Variants in PCDH15 observed in about 807,000 individuals in gnomAD.
The protein encoded by PCDH15 is protocadherin-15.
PCDH15 carries 129 observed loss-of-function variants against 178.5 expected under a neutral mutation model. The observed-to-expected ratio is 0.72, with a 90% CI of 0.63 to 0.84. PCDH15 has a LOEUF of 0.84. Ranked by LOEUF, PCDH15 falls within the 40% of genes least tolerant of loss-of-function variation. The pLI is 0.00. For synonymous variants in PCDH15, 800 were observed against 732.0 expected (o/e 1.09, Z -1.50); for missense variants, 2,230 against 2,099.9 (o/e 1.06, Z -1.21).
At chr10:54,523,712 A>C (rs1002289014) in intron 3 of PCDH15, among the ~76,000 whole-genome samples, 2 of 152,324 alleles carry the variant, frequency 1.3e-5, no homozygotes, top group East Asian at 3.9e-4. Context: ...TTGCTAAGAA[A>C]CTTTATACTG....
chr10:54,717,348 C>T (rs1408147622), intron 1 of PCDH15, among the ~76,000 whole-genome samples: 14 of 120,624 alleles, frequency 1.2e-4, no homozygotes, highest in African/African-American at 2.7e-4. Flanking sequence ...AGAAAATTTT[C>T]GCAACCTACT....
intron 15 of PCDH15, among the ~76,000 whole-genome samples, chr10:54,127,558 T>C (rs867785161): frequency 2.0e-5 from 3 of 152,204 alleles, no homozygotes; most frequent in Admixed American, 6.5e-5. Context: ...TGTAGGAAAA[T>C]ATCCAATTAA....
chr10:54,099,610 C>A (rs1296635408), intron 15 of PCDH15, among the ~76,000 whole-genome samples: 2 of 150,534 alleles, frequency 1.3e-5, no homozygotes, highest in African/African-American at 4.9e-5. Context: ...CACATCACAG[C>A]ACTACTTATA....
chr10:53,805,166 A>G lies in PCDH15; in HGVS notation c.*1413T>C, dbSNP rs1387636912. The G allele has an allele frequency of 6.6e-6, 1 of 152,042 alleles. No individual in the cohort carries two copies. Among genetic ancestry groups the G allele is most frequent in the Non-Finnish European group, 1.5e-5 (1 of 67,958 alleles). The allele number at this position is 152,042 out of a possible 1,614,324, so 9.4% of individuals were successfully genotyped here. ...TAAGACGCGAAACATGTAAGAGGGGAATAAATAATAGTGCATTATTCAGTC... is the reference window on the plus strand; with the variant it reads ...TAAGACGCGAAACATGTAAGAGGGGGATAAATAATAGTGCATTATTCAGTC... On this transcript the variant is annotated 3_prime_UTR_variant, in exon 38 of 38. Transcript: ENST00000644397.
intron 2 of PCDH15, among the ~76,000 whole-genome samples, chr10:55,324,684 A>G (rs1056857033): frequency 6.6e-6 from 1 of 152,110 alleles, no homozygotes; most frequent in Non-Finnish European, 1.5e-5. Context: ...GTAGAAAACT[A>G]CAATTTTTTT....
chr10:54,863,815 A>C (rs904932757), intron 3 of PCDH15, among the ~76,000 whole-genome samples: 3 of 152,210 alleles, frequency 2.0e-5, no homozygotes, highest in African/African-American at 7.2e-5. Flanking sequence ...TAAGGAAAGC[A>C]GTGAAGTTGT....
At chr10:55,141,122 T>C (rs1838343272) in intron 2 of PCDH15, among the ~76,000 whole-genome samples, 1 of 152,076 alleles carries the variant, frequency 6.6e-6, no homozygotes, top group Admixed American at 6.5e-5. Context: ...TTTCAGCTAT[T>C]ATTTATTTGA....
At chr10:55,562,708 A>C (rs1386046763) in intron 2 of PCDH15, among the ~76,000 whole-genome samples, 1 of 152,034 alleles carries the variant, frequency 6.6e-6, no homozygotes, top group Non-Finnish European at 1.5e-5. Context: ...AATTGAAATG[A>C]CTTTGTGAGA....
In PCDH15 at chr10:53,806,553, A is replaced by AATT; in HGVS notation, c.*23_*25dup. 6.7e-7 allele frequency: 1 copy of AATT among 1,500,466 alleles called. No homozygotes were observed. Among genetic ancestry groups the AATT allele is most frequent in the Non-Finnish European group, 9.0e-7 (1 of 1,110,686 alleles). 92.9% of individuals were successfully genotyped at this position (1,500,466 alleles called of 1,614,324 possible). A position where few individuals can be genotyped will look rare whatever the true frequency, so the allele number is the denominator to read the frequency against. ...TTTATTAAAAATGTAAGTAAAAATT[A>AATT]ATTAAAATATCTTTTAAAAAATTGG... On this transcript the variant is annotated 3_prime_UTR_variant, in exon 38 of 38. Transcript: ENST00000644397.
intron 2 of PCDH15, chr10:55,597,264 A>T (rs1842955444): frequency 6.6e-6 from 1 of 152,140 alleles, no homozygotes; most frequent in African/African-American, 2.4e-5. Context: ...ACGTTCACGC[A>T]CATACGTACG....
At chr10:55,339,849 C>T (rs1186195657) in intron 2 of PCDH15, among the ~76,000 whole-genome samples, 2 of 151,926 alleles carry the variant, frequency 1.3e-5, no homozygotes, top group South Asian at 4.2e-4. Flanking sequence ...CAAGTATAAT[C>T]TAACTTTATT....
intron 8 of PCDH15, among the ~76,000 whole-genome samples, chr10:54,317,026 AT>A (rs2061319891): frequency 6.6e-6 from 1 of 152,280 alleles, no homozygotes; most frequent in Non-Finnish European, 1.5e-5. Flanking sequence ...TGGTAAAAAA[AT>A]AAAATAAAAT....
chr10:54,467,601 GTTTTTTTTT>G (rs67776985), intron 3 of PCDH15, among the ~76,000 whole-genome samples: 1 of 45,670 alleles, frequency 2.2e-5, no homozygotes, highest in African/African-American at 9.1e-5. Flanking sequence ...TCAAGCTGTA[GTTTTTTTTT>G]TTTTTTTTTT....
At chr10:54,257,119 T>A (rs2056963833) in intron 8 of PCDH15, among the ~76,000 whole-genome samples, 1 of 151,982 alleles carries the variant, frequency 6.6e-6, no homozygotes, top group Non-Finnish European at 1.5e-5. Flanking sequence ...TGTGTATGTA[T>A]CTATAACTGA....
chr10:55,473,351 C>A (rs924524320), intron 2 of PCDH15, among the ~76,000 whole-genome samples: 1 of 151,202 alleles, frequency 6.6e-6, no homozygotes, highest in Non-Finnish European at 1.5e-5. Context: ...AAAAGAAAAC[C>A]ACCTAAATCA....
intron 2 of PCDH15, among the ~76,000 whole-genome samples, chr10:55,404,455 G>A (rs1838150787): frequency 6.6e-6 from 1 of 151,956 alleles, no homozygotes; most frequent in Non-Finnish European, 1.5e-5. Context: ...ATAATCTGAT[G>A]AGTATAAGAT....
chr10:54,662,672 T>G (rs1285674305), intron 2 of PCDH15, among the ~76,000 whole-genome samples: 1 of 151,972 alleles, frequency 6.6e-6, no homozygotes, highest in Non-Finnish European at 1.5e-5. Context: ...TAAAATTACA[T>G]TACTAAAAAG....
chr10:54,472,333 T>G (rs977320183), intron 3 of PCDH15, among the ~76,000 whole-genome samples: 1 of 151,826 alleles, frequency 6.6e-6, no homozygotes, highest in Non-Finnish European at 1.5e-5. Flanking sequence ...GACAAATTAG[T>G]CAGTGGGAAT....
rs1321628993 is a variant in PCDH15 at position 53,980,531 on chromosome 10, C to G, written c.2868+15118G>C. Among the ~76,000 whole-genome samples, 6 of 152,098 alleles carry G rather than the reference C, an allele frequency of 3.9e-5. No homozygotes were observed. The East Asian group carries it at 1.2e-3, about 29-fold the overall frequency. ...GTTGATGAGGATGTAAGCACTGTAC[C>G]AAACTAGATGCAAAGTTGTGTTTTT... On this transcript the variant is annotated intron_variant, in intron 21 of 37. Coordinates refer to ENST00000644397, the MANE Select transcript of PCDH15 (RefSeq NM_001384140.1).
Sources: gnomAD v4.1 joint callset for allele counts (sites outside exome capture counted in the v4.1 genomes callset) on GRCh38, gnomAD v4.1.1 for gene constraint, MANE v1.5 for transcripts, NCBI Gene and HGNC (gene_info 2026-07-23, HGNC 2026-07-21) for gene names.